The following MARCHF1 variants were observed in gnomAD, a reference collection of about 807,000 sequenced individuals.
The protein encoded by MARCHF1 is membrane associated ring-CH-type finger 1.
MARCHF1 carries 40 observed loss-of-function variants against 54.2 expected under a neutral mutation model. The ratio of observed to expected loss-of-function variants is 0.74; its 90% CI spans 0.57 to 0.96. The LOEUF is 0.96. Ranked by LOEUF, MARCHF1 falls within the 40% of genes least tolerant of loss-of-function variation. MARCHF1 has a pLI of 0.00. For synonymous variants in MARCHF1, 236 were observed against 236.3 expected (o/e 1.00, Z 0.01); for missense variants, 586 against 656.5 (o/e 0.89, Z 1.17).
At chr4:163,644,776 A>G (rs1459507868) in intron 5 of MARCHF1, among the ~76,000 whole-genome samples, 2 of 152,224 alleles carry the variant, frequency 1.3e-5, no homozygotes, top group Non-Finnish European at 2.9e-5. Context: ...TGAAAGGTCC[A>G]TAGATGGTTC....
At chr4:163,626,025 T>C (rs1346639650) in intron 5 of MARCHF1, among the ~76,000 whole-genome samples, 1 of 152,116 alleles carries the variant, frequency 6.6e-6, no homozygotes, top group Non-Finnish European at 1.5e-5. Flanking sequence ...AAGGGAAAAA[T>C]AACAATTGGC....
intron 2 of MARCHF1, among the ~76,000 whole-genome samples, chr4:164,053,240 T>G (rs1326465574): frequency 1.3e-5 from 2 of 152,170 alleles, no homozygotes; most frequent in African/African-American, 4.8e-5. Flanking sequence ...GAAGTTTTTT[T>G]TTAAAAAACA....
chr4:164,154,969 G>A (rs1172783175), intron 1 of MARCHF1, among the ~76,000 whole-genome samples: 4 of 152,150 alleles, frequency 2.6e-5, no homozygotes, highest in Non-Finnish European at 5.9e-5. Context: ...ATCTTCCCCT[G>A]GAGTTTGGCC....
At chr4:164,218,850 TAA>T (rs556382090) in intron 1 of MARCHF1, among the ~76,000 whole-genome samples, 11 of 131,760 alleles carry the variant, frequency 8.3e-5, no homozygotes, top group Non-Finnish European at 6.6e-5. Flanking sequence ...AAAGTATAAT[TAA>T]AAAAAAAAAA....
intron 5 of MARCHF1, among the ~76,000 whole-genome samples, chr4:163,653,105 G>C (rs922442208): frequency 6.6e-5 from 10 of 151,832 alleles, no homozygotes; most frequent in African/African-American, 2.4e-4. Flanking sequence ...CTATTAAATA[G>C]AGTGGTTAAC....
chr4:163,651,274 A>C (rs1388153545), intron 5 of MARCHF1, among the ~76,000 whole-genome samples: 1 of 151,884 alleles, frequency 6.6e-6, no homozygotes, highest in Non-Finnish European at 1.5e-5. Flanking sequence ...ACTATATTCT[A>C]TATATTTGTA....
intron 1 of MARCHF1, among the ~76,000 whole-genome samples, chr4:164,316,315 T>C (rs2110740964): frequency 6.6e-6 from 1 of 152,254 alleles, no homozygotes; most frequent in Non-Finnish European, 1.5e-5. Context: ...CACGAATAAG[T>C]CATACTAGCA....
At chr4:163,936,364 T>G (rs2110735984) in intron 3 of MARCHF1, among the ~76,000 whole-genome samples, 1 of 152,302 alleles carries the variant, frequency 6.6e-6, no homozygotes, top group Admixed American at 6.5e-5. Flanking sequence ...AAACCTTCAG[T>G]GTGTAAAAAC....
chr4:163,979,806 T>C (rs1293069504), intron 3 of MARCHF1, among the ~76,000 whole-genome samples: 2 of 152,178 alleles, frequency 1.3e-5, no homozygotes, highest in Admixed American at 6.5e-5. Flanking sequence ...GTTTTTTGGC[T>C]GCATAAATGT....
intron 1 of MARCHF1, among the ~76,000 whole-genome samples, chr4:164,169,873 C>G (rs1730477952): frequency 6.6e-6 from 1 of 152,074 alleles, no homozygotes; most frequent in Admixed American, 6.6e-5. Flanking sequence ...AGCCAGAAAA[C>G]ACAACCAAGA....
intron 8 of MARCHF1, among the ~76,000 whole-genome samples, chr4:163,569,767 G>A (rs1042560881): frequency 1.1e-4 from 16 of 152,238 alleles, no homozygotes; most frequent in Middle Eastern, 3.4e-3. Flanking sequence ...TACTTTGTAA[G>A]AGAAGTCTTT....
chr4:163,626,255 G>A (rs1291214261), intron 5 of MARCHF1, among the ~76,000 whole-genome samples: 1 of 152,204 alleles, frequency 6.6e-6, no homozygotes, highest in African/African-American at 2.4e-5. Flanking sequence ...AAGGCAACTT[G>A]TCTTAGTGGC....
chr4:163,637,170 C>A (rs188570233), intron 5 of MARCHF1, among the ~76,000 whole-genome samples: 1 of 152,032 alleles, frequency 6.6e-6, no homozygotes, highest in Non-Finnish European at 1.5e-5. Context: ...CTTTACCATT[C>A]AGGACATAGG....
chr4:163,698,539 T>A (rs1377196454), intron 5 of MARCHF1, among the ~76,000 whole-genome samples: 1 of 152,168 alleles, frequency 6.6e-6, no homozygotes, highest in African/African-American at 2.4e-5. Flanking sequence ...AGAATAGAGT[T>A]TTTTTATTTC....
intron 1 of MARCHF1, among the ~76,000 whole-genome samples, chr4:164,341,284 A>AC (rs1041983965): frequency 5.3e-5 from 8 of 151,822 alleles, no homozygotes; most frequent in African/African-American, 1.9e-4. Context: ...AAAAACAAAA[A>AC]AAAAAACCCC....
rs576522561 is a variant in MARCHF1 at position 163,695,004 on chromosome 4, T to C, written c.162+5809A>G. On this transcript the variant is annotated intron_variant, in intron 5 of 9. Transcript: ENST00000514618. ...CTAGTTATTTCCTAATTATATATCCTACTTTACTTCATCAACCTACCAAAC... is the reference window on the plus strand; with the variant it reads ...CTAGTTATTTCCTAATTATATATCCCACTTTACTTCATCAACCTACCAAAC... Among the ~76,000 whole-genome samples the C allele has an allele frequency of 2.0e-5, 3 of 152,282 alleles. No individual in the cohort carries two copies. In the South Asian group the frequency reaches 6.2e-4, roughly 32 times the overall value.
intron 4 of MARCHF1, among the ~76,000 whole-genome samples, chr4:163,831,250 G>A (rs922850663): frequency 4.6e-5 from 7 of 152,106 alleles, no homozygotes; most frequent in African/African-American, 1.7e-4. Context: ...AATTGCCCAG[G>A]TGGAACCCTC....
At chr4:163,923,169 C>CTTTTTTTTTTTTT (rs1560820891) in intron 3 of MARCHF1, among the ~76,000 whole-genome samples, 1 of 152,026 alleles carries the variant, frequency 6.6e-6, no homozygotes, top group Non-Finnish European at 1.5e-5. Context: ...CTTGGGAATA[C>CTTTTTTTTTTTTT]ATTTTGAAAG....
intron 4 of MARCHF1, among the ~76,000 whole-genome samples, chr4:163,726,718 C>T (rs550916266): frequency 1.3e-5 from 2 of 152,174 alleles, no homozygotes; most frequent in African/African-American, 4.8e-5. Context: ...TTTGCATTCC[C>T]AGTAGCAATA....
Sources: allele counts gnomAD v4.1 joint callset (sites outside exome capture counted in the v4.1 genomes callset), GRCh38; gene constraint gnomAD v4.1.1; transcripts MANE v1.5; gene names NCBI Gene and HGNC (gene_info 2026-07-23, HGNC 2026-07-21).